Variants in DAB2IP observed in about 807,000 individuals in gnomAD.
DAB2IP encodes DAB2 interacting protein.
A neutral mutation model predicts 107.2 loss-of-function variants in DAB2IP; 28 were observed. That is an observed-to-expected ratio of 0.26 (90% CI 0.19 to 0.36). The LOEUF (loss-of-function observed/expected upper bound fraction) is 0.36, where lower values mean the gene tolerates loss of function less well. Ranked by LOEUF, DAB2IP falls within the 10% of genes least tolerant of loss-of-function variation. The pLI is 1.00. For synonymous variants in DAB2IP, 755 were observed against 706.4 expected (o/e 1.07, Z -1.09); for missense variants, 1,400 against 1,644.7 (o/e 0.85, Z 2.57).
intron 3 of DAB2IP, among the ~76,000 whole-genome samples, chr9:121,724,294 C>G (rs887374104): frequency 6.6e-6 from 1 of 151,906 alleles, no homozygotes; most frequent in South Asian, 2.1e-4. Context: ...CACCCCTCCC[C>G]GTTCCCTGCC....
At chr9:121,683,899 T>A (rs1030452897) in intron 2 of DAB2IP, among the ~76,000 whole-genome samples, 2 of 152,132 alleles carry the variant, frequency 1.3e-5, no homozygotes, top group Non-Finnish European at 2.9e-5. Context: ...AATGGCCCTG[T>A]GTGATTGGAG....
intron 2 of DAB2IP, among the ~76,000 whole-genome samples, chr9:121,695,106 TC>T (rs1829354146): frequency 6.6e-6 from 1 of 151,914 alleles, no homozygotes; most frequent in Non-Finnish European, 1.5e-5. Flanking sequence ...ACTTTGGGCA[TC>T]GGGAGTCTCA....
intron 3 of DAB2IP, among the ~76,000 whole-genome samples, chr9:121,739,039 A>G (rs1461995704): frequency 2.0e-5 from 3 of 152,272 alleles, no homozygotes; most frequent in South Asian, 2.1e-4. Flanking sequence ...CAGTGCCTAA[A>G]TAGTGCTTGG....
chr9:121,778,051 A>G (rs1444687731), intron 14 of DAB2IP, among the ~76,000 whole-genome samples: 4 of 152,160 alleles, frequency 2.6e-5, no homozygotes, highest in African/African-American at 9.7e-5. Context: ...AGACTGGGTA[A>G]TTTATAAACA....
At chr9:121,651,066 G>A (rs995054210), upstream of DAB2IP, among the ~76,000 whole-genome samples, 2 of 152,146 alleles carry the variant, frequency 1.3e-5, no homozygotes, top group African/African-American at 2.4e-5. This position sits in a 1 kb window ranked among gnomAD's most constrained non-coding sequence, Gnocchi z 5.1. Context: ...GGTAGGGTAG[G>A]GATTGTTCTG....
intron 1 of DAB2IP, among the ~76,000 whole-genome samples, chr9:121,600,272 G>C (rs1419894535): frequency 6.6e-6 from 1 of 152,208 alleles, no homozygotes; most frequent in African/African-American, 2.4e-5. Flanking sequence ...GGGTGTTTTT[G>C]TTCAATCCTG....
chr9:121,599,805 C>T lies in DAB2IP; in HGVS notation c.40+32577C>T, dbSNP rs987057700. 5.9e-5 allele frequency among the ~76,000 whole-genome samples: 9 copies of T among 151,404 alleles called. No homozygotes were observed. Among genetic ancestry groups the T allele is most frequent in the Non-Finnish European group, 1.2e-4 (8 of 67,798 alleles). On this transcript the variant is annotated intron_variant, in intron 1 of 16. Transcript: ENST00000259371. The surrounding 1 kb of genome is among the most constrained non-coding windows in gnomAD (Gnocchi z 6.9). ...GCCGCGGCTCAGGTGGAGGGGGGCT[C>T]GGTGGTTTGCCGGGATCCGAGCGGC...
At chr9:121,573,939 C>T (rs980027405) in intron 1 of DAB2IP, among the ~76,000 whole-genome samples, 7 of 152,120 alleles carry the variant, frequency 4.6e-5, no homozygotes, top group South Asian at 2.1e-4. Flanking sequence ...TCCCGGGGAG[C>T]GTTCACTGAA....
At chr9:121,644,626 G>C (rs889355030) in intron 1 of DAB2IP, among the ~76,000 whole-genome samples, 13 of 152,178 alleles carry the variant, frequency 8.5e-5, no homozygotes, top group Non-Finnish European at 8.8e-5. Context: ...AAGAGAGAGA[G>C]AGAAAGAGAG....
Position 121,766,514 on chromosome 9 carries a change from AAG to A in DAB2IP, c.1484_1485del (p.Glu495GlyfsTer19). 1 of 1,609,094 alleles carries A rather than the reference AAG, an allele frequency of 6.2e-7. No individual in the cohort carries two copies. Among genetic ancestry groups the A allele is most frequent in the Admixed American group, 1.7e-5 (1 of 60,032 alleles). On this transcript the variant is annotated frameshift_variant, in exon 9 of 16. Transcript: ENST00000408936. LOFTEE classifies it high-confidence loss of function. ...CACAGTGTCTTCCCACGGGAGTTGA[AAG>A]AGGTGTTTGCCTCGTGGAGGCAGGA...
At chr9:121,741,474 C>T (rs1407750215) in intron 3 of DAB2IP, among the ~76,000 whole-genome samples, 2 of 152,192 alleles carry the variant, frequency 1.3e-5, no homozygotes, top group African/African-American at 2.4e-5. Context: ...CTCTGCCCCT[C>T]CTACTCACCC....
At chr9:121,668,343 T>TCTCCAC (rs1833534221) in intron 1 of DAB2IP, among the ~76,000 whole-genome samples, 2 of 150,272 alleles carry the variant, frequency 1.3e-5, no homozygotes, top group African/African-American at 5.0e-5. Flanking sequence ...GTTCAAGTGA[T>TCTCCAC]TCTCCTGCCT....
At chr9:121,695,094 G>A (rs1427279474) in intron 2 of DAB2IP, among the ~76,000 whole-genome samples, 1 of 152,054 alleles carries the variant, frequency 6.6e-6, no homozygotes, top group African/African-American at 2.4e-5. Context: ...CCTGCCCCGT[G>A]CACTTTGGGC....
At chr9:121,667,598 C>G (rs1469205274) in intron 1 of DAB2IP, among the ~76,000 whole-genome samples, 1 of 151,742 alleles carries the variant, frequency 6.6e-6, no homozygotes, top group East Asian at 2.0e-4. Flanking sequence ...TCAAATGATT[C>G]TCCTGCCTCA....
At chr9:121,612,504 G>A (rs1831130383) in intron 1 of DAB2IP, among the ~76,000 whole-genome samples, 1 of 152,144 alleles carries the variant, frequency 6.6e-6, no homozygotes, top group South Asian at 2.1e-4. Context: ...TCTTTTGCAT[G>A]GTATCCACAG....
At chr9:121,574,527 T>C (rs1157231095) in intron 1 of DAB2IP, among the ~76,000 whole-genome samples, 1 of 152,120 alleles carries the variant, frequency 6.6e-6, no homozygotes, top group African/African-American at 2.4e-5. Flanking sequence ...GGGTCCTATT[T>C]ATGAGCATTT....
At chr9:121,649,223 ACCC>A (rs1832652325), upstream of DAB2IP, among the ~76,000 whole-genome samples, 3 of 144,982 alleles carry the variant, frequency 2.1e-5, no homozygotes, top group Admixed American at 6.8e-5. Flanking sequence ...TCACTAGCTG[ACCC>A]TCCTTCCTCC....
At chr9:121,627,087 T>C (rs1366663339) in intron 1 of DAB2IP, among the ~76,000 whole-genome samples, 5 of 151,180 alleles carry the variant, frequency 3.3e-5, no homozygotes, top group African/African-American at 1.2e-4. Flanking sequence ...TATTATAGAC[T>C]GAAAACTAAG....
At chr9:121,711,504 A>T (rs1403933339) in intron 3 of DAB2IP, among the ~76,000 whole-genome samples, 1 of 152,164 alleles carries the variant, frequency 6.6e-6, no homozygotes, top group Non-Finnish European at 1.5e-5. Context: ...CTGTCCCCCA[A>T]CCCCAGGAGC....
Sources: allele counts gnomAD v4.1 joint callset (sites outside exome capture counted in the v4.1 genomes callset), GRCh38; gene constraint gnomAD v4.1.1; non-coding constraint Gnocchi (gnomAD v3.1); transcripts MANE v1.5; gene names NCBI Gene and HGNC (gene_info 2026-07-23, HGNC 2026-07-21).